The following FUT8 variants were observed in gnomAD, a reference collection of about 807,000 sequenced individuals.
FUT8 encodes fucosyltransferase 8.
In FUT8, 29 loss-of-function variants were observed where a neutral mutation model predicts 71.3. That is an observed-to-expected ratio of 0.41 (90% CI 0.30 to 0.55). The LOEUF is 0.55. Ranked by LOEUF, FUT8 falls within the 20% of genes least tolerant of loss-of-function variation. The pLI is 0.34. For missense variants in FUT8, 544 were observed against 702.1 expected (o/e 0.77, Z 2.55); for synonymous variants, 254 against 239.3 (o/e 1.06, Z -0.57).
At chr14:65,383,265 CTTTTTTTTTTT>C in the FUT8 span, among the ~76,000 whole-genome samples, 1,827 of 86,610 alleles carry the variant, frequency 0.021, 48 homozygotes, top group East Asian at 0.11. Context: ...TTTTTCTTTT[CTTTTTTTTTTT>C]TTTTTTTTTT....
chr14:65,539,331 A>G (rs906192684), intron 2 of FUT8, among the ~76,000 whole-genome samples: 1 of 152,230 alleles, frequency 6.6e-6, no homozygotes, highest in Non-Finnish European at 1.5e-5. Flanking sequence ...TTGGTCAGCC[A>G]TACCGTGTTT....
At position 65,693,399 on chromosome 14, in the gene FUT8, C is replaced by CT. The variant is rs1333912048; in HGVS notation, c.835+23919_835+23920insT. Among the ~76,000 whole-genome samples the CT allele has an allele frequency of 2.6e-5, 4 of 152,252 alleles. No homozygotes were observed. The East Asian group carries it at 7.7e-4, about 29-fold the overall frequency. ...GCGCGCGCCTGCAATCGCAGGCACT[C>CT]GGCAGGCTGAGGCAGGAGAATCAGG... is the stretch of plus-strand genomic sequence containing the variant. On this transcript the variant is annotated intron_variant, in intron 7 of 10. Transcript: ENST00000673929.
chr14:65,692,630 C>T (rs1391330476), intron 7 of FUT8, among the ~76,000 whole-genome samples: 27 of 150,614 alleles, frequency 1.8e-4, no homozygotes, highest in Admixed American at 9.9e-4. Flanking sequence ...CCCTCCCAGA[C>T]GGGGTGGCTG....
chr14:65,662,996 G>A (rs563103438), intron 6 of FUT8, among the ~76,000 whole-genome samples: 2 of 152,166 alleles, frequency 1.3e-5, no homozygotes, highest in African/African-American at 4.8e-5. Flanking sequence ...TGACTTTTAA[G>A]TAGATCCCAT....
chr14:65,562,588 C>A lies in FUT8; in HGVS notation c.203+822C>A, dbSNP rs151289486. Among the ~76,000 whole-genome samples the A allele has an allele frequency of 4.3e-3, 656 of 152,104 alleles. 3 individuals carry two copies. Among genetic ancestry groups the A allele is most frequent in the African/African-American group, 0.013 (555 of 41,516 alleles). On this transcript the variant is annotated intron_variant, in intron 3 of 10. Coordinates refer to ENST00000673929, the MANE Select transcript of FUT8 (RefSeq NM_001371533.1). ...ATTGAGGTAAAACATTACCTAGTAT[C>A]TTATATGCGAAGATGATCATGTAGT... is the stretch of plus-strand genomic sequence containing the variant.
At chr14:65,382,133 G>A in the FUT8 span, among the ~76,000 whole-genome samples, 4 of 152,116 alleles carry the variant, frequency 2.6e-5, no homozygotes, top group African/African-American at 9.7e-5. Flanking sequence ...TCTCTTTGCT[G>A]CTTTTATCTG....
intron 6 of FUT8, among the ~76,000 whole-genome samples, 165 bp downstream of exon 6, chr14:65,629,771 A>C (rs1400520842): frequency 2.0e-5 from 3 of 151,926 alleles, no homozygotes; most frequent in Non-Finnish European, 4.4e-5. Context: ...CCTTGAGTGG[A>C]ATACAAAGAT....
In FUT8 at chr14:65,550,961, A is replaced by C. The variant is rs1594761464; in HGVS notation, c.-227-10376A>C. 6.6e-6 allele frequency among the ~76,000 whole-genome samples: 1 copy of C among 152,342 alleles called. No homozygotes were observed. Among genetic ancestry groups the C allele is most frequent in the South Asian group, 2.1e-4 (1 of 4,834 alleles). ...GAATGCATTTTGTTTACATATTAAA[A>C]TGCATCTTAGCATAAATTTTTGCAT... On this transcript the variant is annotated intron_variant, in intron 2 of 10. Transcript: ENST00000673929. The surrounding 1 kb of genome is among the most constrained non-coding windows in gnomAD (Gnocchi z 4.5).
chr14:65,488,502 G>A (rs2066440649), intron 2 of FUT8: 1 of 152,138 alleles, frequency 6.6e-6, no homozygotes, highest in Admixed American at 6.5e-5. Flanking sequence ...GCTGCTTAAC[G>A]CTGTTCATTC....
At chr14:65,526,750 C>T (rs925939794) in intron 2 of FUT8, among the ~76,000 whole-genome samples, 8 of 152,154 alleles carry the variant, frequency 5.3e-5, no homozygotes, top group Non-Finnish European at 1.0e-4. Flanking sequence ...TCTTGTAGGG[C>T]AGGCCTGGTG....
the FUT8 span, among the ~76,000 whole-genome samples, chr14:65,390,870 C>G: frequency 1.3e-5 from 2 of 151,682 alleles, no homozygotes; most frequent in Admixed American, 6.6e-5. Context: ...ACTACAGGCA[C>G]ACGCCACATT....
the FUT8 span, among the ~76,000 whole-genome samples, chr14:65,399,038 G>T: frequency 3.3e-5 from 5 of 152,228 alleles, no homozygotes; most frequent in African/African-American, 1.2e-4. Flanking sequence ...CATTTTTTGA[G>T]CCGGGAACGG....
chr14:65,636,223 T>C (rs539215885), intron 6 of FUT8, among the ~76,000 whole-genome samples: 47 of 152,292 alleles, frequency 3.1e-4, no homozygotes, highest in African/African-American at 1.1e-3. Context: ...ATTTGGATTT[T>C]TTCTCTTCTT....
At chr14:65,374,974 G>A in the FUT8 span, among the ~76,000 whole-genome samples, 1 of 151,950 alleles carries the variant, frequency 6.6e-6, no homozygotes, top group African/African-American at 2.4e-5. Flanking sequence ...ATAAGGTCAG[G>A]GTTTACTGTT....
chr14:65,467,481 T>A lies in FUT8; in HGVS notation c.-228+11763T>A, dbSNP rs1318404989. On this transcript the variant is annotated intron_variant, in intron 2 of 10. Transcript: ENST00000673929. This position sits in a 1 kb window ranked among gnomAD's most constrained non-coding sequence, Gnocchi z 4.1. ...CCTGGCTAATTTTTTGTATTTCTTT[T>A]CTTTTTTATTTTTGAGACAGAGTCT... 6.6e-6 allele frequency among the ~76,000 whole-genome samples: 1 copy of A among 151,886 alleles called. No individual in the cohort carries two copies. The highest frequency in any genetic ancestry group is 1.5e-5 in the Non-Finnish European group (1 of 67,966).
At chr14:65,520,453 A>G (rs1433513863) in intron 2 of FUT8, among the ~76,000 whole-genome samples, 2 of 152,214 alleles carry the variant, frequency 1.3e-5, no homozygotes, top group East Asian at 3.9e-4. Flanking sequence ...CTTAGTTTTC[A>G]CAGGATAGTA....
intron 7 of FUT8, among the ~76,000 whole-genome samples, chr14:65,709,525 ATTGT>A (rs770231509): frequency 4.6e-4 from 70 of 152,242 alleles, no homozygotes; most frequent in Admixed American, 7.9e-4. Flanking sequence ...ACACTGGATA[ATTGT>A]TTGGTTGTGG....
intron 6 of FUT8, among the ~76,000 whole-genome samples, chr14:65,668,605 C>T (rs954700638): frequency 1.3e-5 from 2 of 152,096 alleles, no homozygotes; most frequent in East Asian, 3.8e-4. Flanking sequence ...TTAGTTCAAC[C>T]ATTGGAAAGT....
Position 65,550,350 on chromosome 14 carries a change from T to C in FUT8, c.-227-10987T>C, listed in dbSNP as rs779296854. 6.6e-6 allele frequency among the ~76,000 whole-genome samples: 1 copy of C among 152,208 alleles called. No individual in the cohort carries two copies. The highest frequency in any genetic ancestry group is 1.5e-5 in the Non-Finnish European group (1 of 68,030). The stretch of plus-strand genomic sequence containing the variant: ...TTTAATACACCTAATCTGAACATCA[T>C]AGCTTAGCCTACCTTAAATGTGCCC... On this transcript the variant is annotated intron_variant, in intron 2 of 10. Coordinates refer to ENST00000673929, the MANE Select transcript of FUT8 (RefSeq NM_001371533.1). The surrounding 1 kb of genome is among the most constrained non-coding windows in gnomAD (Gnocchi z 4.5).
Sources: gnomAD v4.1 joint callset for allele counts (sites outside exome capture counted in the v4.1 genomes callset) on GRCh38, gnomAD v4.1.1 for gene constraint, Gnocchi (gnomAD v3.1) non-coding constraint, MANE v1.5 for transcripts, NCBI Gene and HGNC (gene_info 2026-07-23, HGNC 2026-07-21) for gene names.